The following RASSF3 variants were observed in gnomAD, a reference collection of about 807,000 sequenced individuals.
The protein encoded by RASSF3 is Ras association domain family member 3.
In RASSF3, 19 loss-of-function variants were observed where a neutral mutation model predicts 19.9. The observed-to-expected ratio is 0.96, with a 90% confidence interval of 0.67 to 1.40. The LOEUF is 1.40. Among genes scored for constraint, RASSF3 ranks in the 40% most tolerant of loss-of-function variants. The pLI is 0.00. For missense variants in RASSF3, 306 were observed against 289.8 expected, an observed-to-expected ratio of 1.06 and a Z score of -0.41; for synonymous variants, 110 against 104.2, an observed-to-expected ratio of 1.06 and a Z score of -0.34.
intron 2 of RASSF3, among the ~76,000 whole-genome samples, chr12:64,585,238 C>T (rs1369575934): frequency 6.6e-6 from 1 of 152,086 alleles, no homozygotes; most frequent in African/African-American, 2.4e-5. Context: ...ATCCCTACTT[C>T]CCTAAAATAA....
chr12:64,564,987 G>A (rs1206543825), intron 2 of RASSF3, among the ~76,000 whole-genome samples: 3 of 151,350 alleles, frequency 2.0e-5, no homozygotes, highest in African/African-American at 7.3e-5. Flanking sequence ...TACCATGTTG[G>A]CCAGGATGGT....
At chr12:64,592,467 G>C (rs1869941005) in intron 2 of RASSF3, among the ~76,000 whole-genome samples, 1 of 151,864 alleles carries the variant, frequency 6.6e-6, no homozygotes. Flanking sequence ...TTTTTTCAGT[G>C]TGTCTTTGAT....
intron 2 of RASSF3, among the ~76,000 whole-genome samples, chr12:64,549,483 T>A (rs1036478123): frequency 5.9e-5 from 9 of 152,230 alleles, no homozygotes; most frequent in African/African-American, 2.2e-4. Context: ...TAGCAGCAAT[T>A]ACTAGATTCA....
chr12:64,517,313 C>G (rs1868385495), intron 1 of RASSF3, among the ~76,000 whole-genome samples: 1 of 151,780 alleles, frequency 6.6e-6, no homozygotes, highest in South Asian at 2.1e-4. Flanking sequence ...ATTCCTCCCC[C>G]CCCCCACTAA....
intron 1 of RASSF3, among the ~76,000 whole-genome samples, chr12:64,523,415 A>T (rs908578882): frequency 2.0e-5 from 3 of 152,030 alleles, no homozygotes; most frequent in Non-Finnish European, 4.4e-5. Flanking sequence ...CAAAAAGATA[A>T]AATAAAATAA....
intron 1 of RASSF3, among the ~76,000 whole-genome samples, chr12:64,508,675 G>A (rs545967187): frequency 1.0e-4 from 15 of 150,714 alleles, no homozygotes; most frequent in Non-Finnish European, 2.1e-4. Context: ...ACCTGAGGTC[G>A]GGAGTTCAAG....
intron 1 of RASSF3, among the ~76,000 whole-genome samples, chr12:64,635,738 T>G (rs971914557): frequency 6.6e-6 from 1 of 152,146 alleles, no homozygotes; most frequent in Non-Finnish European, 1.5e-5. Context: ...TTAGGGTGAC[T>G]GTTGTGTTAT....
chr12:64,595,828 C>T (rs1869991248), intron 2 of RASSF3, among the ~76,000 whole-genome samples: 1 of 152,150 alleles, frequency 6.6e-6, no homozygotes, highest in Non-Finnish European at 1.5e-5. Context: ...CCTCCTTTCT[C>T]TCAATCCCAT....
At chr12:64,687,097 G>T (rs1486893221) in intron 2 of RASSF3, among the ~76,000 whole-genome samples, 1 of 151,566 alleles carries the variant, frequency 6.6e-6, no homozygotes, top group East Asian at 2.0e-4. Context: ...GGGTTCAAGA[G>T]ATTCTCCTGC....
chr12:64,688,304 C>T lies in RASSF3; in HGVS notation c.308C>T (p.Ser103Phe). The change falls in exon 3 of 5, where the codon TCT becomes TTT. Residue 103 changes from serine to phenylalanine, a missense_variant. Coordinates refer to ENST00000542104, the MANE Select transcript of RASSF3 (RefSeq NM_178169.4). ...ACTTCTCCAAATTCTGGAAAACTCT[C>T]TCCCAGTAGCAATGGCTGTATGAAT... ...PQTSPNSGKL[S>F]PSSNGCMNTL... is the part of the protein sequence containing the mutation. 3.7e-6 allele frequency: 6 copies of T among 1,614,108 alleles called. No homozygotes were observed. Among genetic ancestry groups the T allele is most frequent in the Non-Finnish European group, 5.1e-6 (6 of 1,179,948 alleles).
chr12:64,690,130 A>G (rs1256760668), intron 3 of RASSF3, among the ~76,000 whole-genome samples: 1 of 150,532 alleles, frequency 6.6e-6, no homozygotes. Context: ...TTGCTTTTAG[A>G]ACTCTTGTTT....
intron 3 of RASSF3, among the ~76,000 whole-genome samples, chr12:64,689,704 G>A (rs560564070): frequency 6.6e-6 from 1 of 151,780 alleles, no homozygotes; most frequent in South Asian, 2.1e-4. Context: ...GTATGTGTGT[G>A]TCTAGCATGA....
chr12:64,563,140 C>A (rs1319790322), intron 2 of RASSF3, among the ~76,000 whole-genome samples: 2 of 151,634 alleles, frequency 1.3e-5, no homozygotes, highest in East Asian at 3.9e-4. Context: ...ATATTTTTTT[C>A]TTTTTTTCTG....
intron 2 of RASSF3, among the ~76,000 whole-genome samples, chr12:64,687,840 T>C (rs759198639): frequency 6.6e-5 from 10 of 152,190 alleles, no homozygotes; most frequent in Non-Finnish European, 1.5e-4. Context: ...AGCCTAGACA[T>C]ATCCCCCAAG....
Position 64,533,793 on chromosome 12 carries a change from G to A in RASSF3, c.67+459G>A, listed in dbSNP as rs189350731. On this transcript the variant is annotated intron_variant, in intron 1 of 1. Coordinates refer to the RASSF3 transcript ENST00000636333. ...GCCATGGCTCCCAGGTCTTTCTCAG[G>A]AAGCAACAGAAAATGCATGCAGGCT... 3.4e-3 allele frequency among the ~76,000 whole-genome samples: 523 copies of A among 152,302 alleles called. 7 individuals carry two copies. The highest frequency in any genetic ancestry group is 2.2e-3 in the Non-Finnish European group (152 of 68,028).
intron 1 of RASSF3, among the ~76,000 whole-genome samples, chr12:64,520,775 C>T (rs1321972507): frequency 2.0e-5 from 3 of 151,642 alleles, no homozygotes; most frequent in East Asian, 1.9e-4. Context: ...CCAAGATGAC[C>T]GATTGAAATT....
In RASSF3 at chr12:64,517,345, C is replaced by T. The variant is rs562342758; in HGVS notation, c.169+10016C>T. Reference sequence around the variant, plus strand: ...CTAAGCTATAATCTTGATGTGGTCACAATTAAAATTCAAAAAATATTTTGG... The same window carrying T: ...CTAAGCTATAATCTTGATGTGGTCATAATTAAAATTCAAAAAATATTTTGG... On this transcript the variant is annotated intron_variant, in intron 1 of 5. Coordinates refer to the RASSF3 transcript ENST00000637125. Among the ~76,000 whole-genome samples, 15 of 150,916 alleles carry T rather than the reference C, an allele frequency of 9.9e-5. No homozygotes were observed. The South Asian group carries it at 3.1e-3, about 32-fold the overall frequency.
At chr12:64,617,526 A>G (rs535046705) in intron 1 of RASSF3, among the ~76,000 whole-genome samples, 1 of 152,186 alleles carries the variant, frequency 6.6e-6, no homozygotes, top group Non-Finnish European at 1.5e-5. Flanking sequence ...TTTCAGGAAC[A>G]CACCTATTTT....
At chr12:64,539,732 C>T (rs367655282) in intron 1 of RASSF3, among the ~76,000 whole-genome samples, 6 of 152,050 alleles carry the variant, frequency 3.9e-5, no homozygotes, top group African/African-American at 1.4e-4. Context: ...GCTGTGATTG[C>T]CCACTGCACT....
Sources: gnomAD v4.1 joint callset for allele counts (sites outside exome capture counted in the v4.1 genomes callset) on GRCh38, gnomAD v4.1.1 for gene constraint, MANE v1.5 for transcripts, NCBI Gene and HGNC (gene_info 2026-07-23, HGNC 2026-07-21) for gene names.